The following GAS7 variants were observed in gnomAD, a reference collection of about 807,000 sequenced individuals.
GAS7 encodes growth arrest-specific protein 7.
A neutral mutation model predicts 71.1 loss-of-function variants in GAS7; 28 were observed. The observed-to-expected ratio is 0.39, with a 90% CI of 0.29 to 0.54. The LOEUF (loss-of-function observed/expected upper bound fraction) is 0.54, where lower values mean the gene tolerates loss of function less well. GAS7 is among the 20% of genes least tolerant of loss of function. The probability of loss-of-function intolerance (pLI) is 0.62; values close to 1 mark genes in which losing one functional copy is unlikely to be tolerated. For synonymous variants in GAS7, 258 were observed against 245.8 expected, an observed-to-expected ratio of 1.05 and a Z score of -0.46; for missense variants, 436 against 627.8, an observed-to-expected ratio of 0.69 and a Z score of 3.27.
intron 1 of GAS7, among the ~76,000 whole-genome samples, chr17:10,163,722 A>G (rs2074272860): frequency 6.6e-6 from 1 of 151,980 alleles, no homozygotes; most frequent in South Asian, 2.1e-4. Flanking sequence ...TTCTCCCAGC[A>G]AGCCCCCAAG....
intron 3 of GAS7, among the ~76,000 whole-genome samples, chr17:9,978,203 G>T (rs2070281605): frequency 6.6e-6 from 1 of 151,954 alleles, no homozygotes; most frequent in South Asian, 2.1e-4. Flanking sequence ...AACAGAGCAA[G>T]ACCCCACCTC....
chr17:10,034,146 G>C lies in GAS7; in HGVS notation c.184-14249C>G, dbSNP rs1334517937. On this transcript the variant is annotated intron_variant, in intron 1 of 13. Coordinates refer to ENST00000432992, the MANE Select transcript of GAS7 (RefSeq NM_201433.2). The surrounding 1 kb of genome is among the most constrained non-coding windows in gnomAD (Gnocchi z 4.4). ...TGCCACCGTGCGAAGAACACAGGAT[G>C]GGAATCGGAGCTGGTAAAGCTGCAG... is the stretch of plus-strand genomic sequence containing the variant. The C allele has an allele frequency of 1.0e-6, 1 of 985,040 alleles. No individual in the cohort carries two copies. Among genetic ancestry groups the C allele is most frequent in the African/African-American group, 1.7e-5 (1 of 57,216 alleles). 61.0% of individuals were successfully genotyped at this position (985,040 alleles called of 1,614,324 possible).
intron 1 of GAS7, among the ~76,000 whole-genome samples, chr17:10,177,730 A>C (rs966792083): frequency 6.6e-6 from 1 of 152,158 alleles, no homozygotes; most frequent in Non-Finnish European, 1.5e-5. Flanking sequence ...ACTTGGCTGC[A>C]TCTCACATCA....
intron 1 of GAS7, among the ~76,000 whole-genome samples, chr17:10,182,801 G>C (rs1282292481): frequency 6.6e-6 from 1 of 152,202 alleles, no homozygotes; most frequent in Non-Finnish European, 1.5e-5. Flanking sequence ...ACTTTAAAAA[G>C]AGATTTTCCA....
intron 1 of GAS7, among the ~76,000 whole-genome samples, chr17:10,192,664 C>T (rs1343298961): frequency 6.6e-6 from 1 of 152,184 alleles, no homozygotes; most frequent in Non-Finnish European, 1.5e-5. Flanking sequence ...CCTGAATCCA[C>T]TCAATCCATA....
rs186287882 is a variant in GAS7, at chr17:10,011,051, A to G, written c.304+8726T>C. Among the ~76,000 whole-genome samples, 10 of 152,354 alleles carry G rather than the reference A, an allele frequency of 6.6e-5. No homozygotes were observed. In the East Asian group the frequency reaches 1.9e-3, roughly 29 times the overall value. ...GAGGATTTAGAAGTTTCCTCCTAGG[A>G]TGATTATGAAGCAAAATCACTAGCC... is the stretch of plus-strand genomic sequence containing the variant. On this transcript the variant is annotated intron_variant, in intron 2 of 13. Coordinates refer to ENST00000432992, the MANE Select transcript of GAS7 (RefSeq NM_201433.2).
intron 3 of GAS7, among the ~76,000 whole-genome samples, chr17:9,976,861 T>C (rs2070227074): frequency 6.6e-6 from 1 of 152,226 alleles, no homozygotes; most frequent in Admixed American, 6.5e-5. Context: ...GCCCAGAGGC[T>C]CAGAAAGGTA....
intron 1 of GAS7, among the ~76,000 whole-genome samples, chr17:10,025,807 C>G (rs565966257): frequency 6.6e-6 from 1 of 152,236 alleles, no homozygotes; most frequent in African/African-American, 2.4e-5. Context: ...TGCTCTAAAG[C>G]CACTCCGTTG....
intron 1 of GAS7, among the ~76,000 whole-genome samples, chr17:10,193,662 G>A (rs2074518647): frequency 6.6e-6 from 1 of 152,214 alleles, no homozygotes; most frequent in Non-Finnish European, 1.5e-5. Flanking sequence ...ATGTGGAAAG[G>A]CCCTGGAGAA....
rs2067605036 is a variant in GAS7, at chr17:9,917,069, C to CAGCTAGGCTGTCCGGGTCACCCTTCTGGA, written c.*130_*158dup. 15 of 616,746 alleles carry CAGCTAGGCTGTCCGGGTCACCCTTCTGGA rather than the reference C, an allele frequency of 2.4e-5. No homozygotes were observed. Among genetic ancestry groups the CAGCTAGGCTGTCCGGGTCACCCTTCTGGA allele is most frequent in the Non-Finnish European group, 2.3e-5 (8 of 344,078 alleles). The allele number at this position is 616,746 out of a possible 1,614,324, so 38.2% of individuals were successfully genotyped here. On this transcript the variant is annotated 3_prime_UTR_variant, in exon 14 of 14. Transcript: ENST00000432992. The stretch of plus-strand genomic sequence containing the variant: ...GGGCCTGGGAATATGGGGGAGCCCC[C>CAGCTAGGCTGTCCGGGTCACCCTTCTGGA]AGCTAGGCTGTCCGGGTCACCCTTC...
intron 9 of GAS7, among the ~76,000 whole-genome samples, chr17:9,928,429 T>G (rs1056020040): frequency 6.6e-6 from 1 of 151,952 alleles, no homozygotes; most frequent in African/African-American, 2.4e-5. Context: ...GCCCATAACA[T>G]TTATAAGAAA....
intron 1 of GAS7, among the ~76,000 whole-genome samples, chr17:10,146,486 C>A (rs1283700950): frequency 2.0e-5 from 3 of 152,286 alleles, no homozygotes; most frequent in Middle Eastern, 3.4e-3. Flanking sequence ...AGACCAGCAG[C>A]ACCAGAATCA....
At chr17:10,054,982 G>A (rs2073116259) in intron 1 of GAS7, among the ~76,000 whole-genome samples, 1 of 152,218 alleles carries the variant, frequency 6.6e-6, no homozygotes, top group Non-Finnish European at 1.5e-5. Flanking sequence ...GTTTGGAAGT[G>A]GAGGAGGTGC....
intron 2 of GAS7, among the ~76,000 whole-genome samples, chr17:9,982,862 AAAG>A (rs2070480310): frequency 2.8e-5 from 4 of 143,592 alleles, no homozygotes; most frequent in African/African-American, 1.0e-4. Context: ...AGAAAGAAAG[AAAG>A]AAAGCAAAGA....
chr17:9,998,639 CAGAA>C (rs1456257339), intron 2 of GAS7, among the ~76,000 whole-genome samples: 2 of 149,408 alleles, frequency 1.3e-5, no homozygotes, highest in African/African-American at 2.5e-5. Context: ...GAAAAAAAGG[CAGAA>C]AGACAGAAAG....
chr17:10,153,048 A>C (rs2074178913), intron 1 of GAS7, among the ~76,000 whole-genome samples: 1 of 151,312 alleles, frequency 6.6e-6, no homozygotes. Flanking sequence ...CAAAAAAAAA[A>C]AAAAAAAAAA....
rs184053734 is a variant in GAS7, at chr17:10,059,540, C to T, written c.184-39643G>A. Among the ~76,000 whole-genome samples, 592 of 152,238 alleles carry T rather than the reference C, an allele frequency of 3.9e-3. 4 individuals are homozygous for T. Among genetic ancestry groups the T allele is most frequent in the Non-Finnish European group, 7.4e-3 (502 of 68,002 alleles). ...GACAGAAGAATCCCCCAAATCCCCC[C>T]CAGAGCAGAGCCAAACCCTAGCCAA... On this transcript the variant is annotated intron_variant, in intron 1 of 13. Coordinates refer to ENST00000432992, the MANE Select transcript of GAS7 (RefSeq NM_201433.2).
chr17:10,195,601 C>A (rs1211568881), intron 1 of GAS7, among the ~76,000 whole-genome samples: 1 of 152,194 alleles, frequency 6.6e-6, no homozygotes, highest in Non-Finnish European at 1.5e-5. Flanking sequence ...CTTCTGAACT[C>A]CATGCTCCCA....
intron 1 of GAS7, among the ~76,000 whole-genome samples, chr17:10,178,834 G>A (rs529272663): frequency 2.6e-4 from 39 of 150,648 alleles, no homozygotes; most frequent in African/African-American, 3.9e-4. Flanking sequence ...GGCAGACAGC[G>A]GAGGGCTTTT....
Sources: gnomAD v4.1 joint callset for allele counts (sites outside exome capture counted in the v4.1 genomes callset) on GRCh38, gnomAD v4.1.1 for gene constraint, Gnocchi (gnomAD v3.1) non-coding constraint, MANE v1.5 for transcripts, NCBI Gene and HGNC (gene_info 2026-07-23, HGNC 2026-07-21) for gene names.